Variants in FAM47E observed in about 807,000 individuals in gnomAD.
FAM47E encodes the protein protein FAM47E.
In FAM47E, 32 loss-of-function variants were observed where a neutral mutation model predicts 41.6. The ratio of observed to expected loss-of-function variants is 0.77; its 90% CI spans 0.58 to 1.03. FAM47E has a LOEUF of 1.03. Among genes scored for constraint, FAM47E ranks in the 50% least tolerant of loss-of-function variants. The pLI is 0.00. For missense variants in FAM47E, 424 were observed against 485.4 expected, an observed-to-expected ratio of 0.87 and a Z score of 1.19; for synonymous variants, 184 against 188.7, an observed-to-expected ratio of 0.98 and a Z score of 0.20.
In FAM47E at chr4:76,223,235, T is replaced by C. The variant is rs143747142; in HGVS notation, c.81+5547T>C. The stretch of plus-strand genomic sequence containing the variant: ...CCTCAGCTCATTTCTGCAAGTGGCT[T>C]AACCAAGTGTTCCCTCCAAACACAT... On this transcript the variant is annotated intron_variant, in intron 2 of 7. Transcript: ENST00000510197. 4.3e-4 allele frequency among the ~76,000 whole-genome samples: 66 copies of C among 152,302 alleles called. No homozygotes were observed. The East Asian group carries it at 0.013, about 29-fold the overall frequency.
At chr4:76,251,917 G>A in intron 1 of FAM47E, 97 bp downstream of exon 1, 2 of 1,334,792 alleles carry the variant, frequency 1.5e-6, no homozygotes, top group Non-Finnish European at 1.9e-6. Context: ...GAGGGGAGAG[G>A]TCCAGCCTGC....
At chr4:76,227,849 C>T (rs1172304796) in intron 2 of FAM47E, among the ~76,000 whole-genome samples, 1 of 152,112 alleles carries the variant, frequency 6.6e-6, no homozygotes, top group Non-Finnish European at 1.5e-5. Context: ...AATAGCTATT[C>T]CTGCTTGCTT....
chr4:76,267,850 C>G (rs1734706110), intron 3 of FAM47E: 1 of 152,212 alleles, frequency 6.6e-6, no homozygotes, highest in African/African-American at 2.4e-5. Flanking sequence ...TCTACGGAGA[C>G]AGAAAAGTAG....
upstream of FAM47E, among the ~76,000 whole-genome samples, chr4:76,247,910 C>CTCT (rs1310282160): frequency 8.1e-5 from 7 of 86,846 alleles, no homozygotes; most frequent in East Asian, 1.9e-3. Flanking sequence ...CACTCTCTCT[C>CTCT]TTTTTTTTTT....
At chr4:76,251,508 G>C (rs759526832), upstream of FAM47E, among the ~76,000 whole-genome samples, 17 of 152,126 alleles carry the variant, frequency 1.1e-4, no homozygotes, top group Non-Finnish European at 2.1e-4. Context: ...AGATGAACAC[G>C]CCTTCCCAGC....
intron 2 of FAM47E, among the ~76,000 whole-genome samples, chr4:76,227,978 T>C (rs1371625348): frequency 6.6e-6 from 1 of 152,238 alleles, no homozygotes; most frequent in Non-Finnish European, 1.5e-5. Context: ...GATTTTTATC[T>C]ATTCTGCCAT....
chr4:76,247,079 C>T (rs951618194), upstream of FAM47E, among the ~76,000 whole-genome samples: 1 of 152,002 alleles, frequency 6.6e-6, no homozygotes, highest in South Asian at 2.1e-4. Context: ...CCAAAAAAAC[C>T]TCTGTATCCA....
intron 2 of FAM47E, among the ~76,000 whole-genome samples, chr4:76,231,291 G>C (rs959535515): frequency 1.2e-4 from 18 of 152,124 alleles, no homozygotes; most frequent in African/African-American, 4.3e-4. Flanking sequence ...CACCTGGCAG[G>C]GTTTTCAGGA....
intron 5 of FAM47E, 67 bp from the exon 6 acceptor site, chr4:76,278,002 T>C: frequency 2.1e-6 from 3 of 1,412,806 alleles, no homozygotes; most frequent in Non-Finnish European, 2.8e-6. Context: ...TAAGCTAAGC[T>C]TTAGATTTTT....
rs542480339 is a variant in FAM47E, at chr4:76,271,880, C to T, written c.870+112C>T. On this transcript the variant is annotated intron_variant, in intron 5 of 7. Coordinates refer to ENST00000424749, the MANE Select transcript of FAM47E (RefSeq NM_001136570.3). Reference sequence around the variant, plus strand: ...GGTACTGGTTTTTTAAAGTAGAATTCTGGAATTTTTTTCATGATTAATATT... The same window carrying T: ...GGTACTGGTTTTTTAAAGTAGAATTTTGGAATTTTTTTCATGATTAATATT... 34 of 1,265,296 alleles carry T rather than the reference C, an allele frequency of 2.7e-5. No individual in the cohort carries two copies. The South Asian group carries it at 4.6e-4, about 17-fold the overall frequency. 78.4% of individuals were successfully genotyped at this position (1,265,296 alleles called of 1,614,324 possible).
upstream of FAM47E, among the ~76,000 whole-genome samples, chr4:76,248,805 T>C (rs1733888871): frequency 6.6e-6 from 1 of 151,728 alleles, no homozygotes; most frequent in Non-Finnish European, 1.5e-5. Flanking sequence ...AGTCTCTCTC[T>C]CTCTCTCTCT....
chr4:76,224,768 A>T (rs1464301887), intron 2 of FAM47E, among the ~76,000 whole-genome samples: 2 of 151,996 alleles, frequency 1.3e-5, no homozygotes, highest in African/African-American at 4.8e-5. Flanking sequence ...TTTTAATTTC[A>T]GAAGTTTTTG....
intron 4 of FAM47E, among the ~76,000 whole-genome samples, chr4:76,270,189 CT>C (rs1438648361): frequency 7.2e-6 from 1 of 138,602 alleles, no homozygotes; most frequent in Non-Finnish European, 1.6e-5. Context: ...GGACTTCATT[CT>C]CAATCAATAT....
intron 2 of FAM47E, among the ~76,000 whole-genome samples, chr4:76,220,664 AGAC>A (rs1348127760): frequency 6.6e-6 from 1 of 152,212 alleles, no homozygotes; most frequent in African/African-American, 2.4e-5. Flanking sequence ...ACTACAGTGC[AGAC>A]TTCTTTTCTT....
At chr4:76,228,639 C>T (rs943740613) in intron 2 of FAM47E, among the ~76,000 whole-genome samples, 3 of 152,116 alleles carry the variant, frequency 2.0e-5, no homozygotes, top group Non-Finnish European at 4.4e-5. Flanking sequence ...CTATTCTTGG[C>T]TGCCAATTAT....
rs1436637193 is a variant in FAM47E, at chr4:76,280,628, T to C, written c.1104+287T>C. The C allele has an allele frequency of 1.0e-5, 3 of 290,038 alleles. No individual in the cohort carries two copies. In the Admixed American group the frequency reaches 1.4e-4, roughly 14 times the overall value. 18.0% of individuals were successfully genotyped at this position (290,038 alleles called of 1,614,324 possible). A position where few individuals can be genotyped will look rare whatever the true frequency, so the allele number is the denominator to read the frequency against. On this transcript the variant is annotated intron_variant, in intron 7 of 7. Transcript: ENST00000424749. Reference sequence around the variant, plus strand: ...TTGGATTTGGCCTCAATAGGAGGTCTATGTACAGGGCATGGGCCTTGCAAA... The same window carrying C: ...TTGGATTTGGCCTCAATAGGAGGTCCATGTACAGGGCATGGGCCTTGCAAA...
chr4:76,272,819 A>T (rs1464330997), intron 5 of FAM47E, among the ~76,000 whole-genome samples: 1 of 152,218 alleles, frequency 6.6e-6, no homozygotes, highest in Non-Finnish European at 1.5e-5. Flanking sequence ...CATGGAAGTT[A>T]TTGCCAAAAT....
chr4:76,217,504 ACC>A (rs1733228712), intron 1 of FAM47E: 2 of 413,932 alleles, frequency 4.8e-6, no homozygotes, highest in South Asian at 8.6e-5. Flanking sequence ...AAGAGCTGGC[ACC>A]TCCTCCTTCT....
intron 2 of FAM47E, among the ~76,000 whole-genome samples, chr4:76,236,106 G>T (rs1172047859): frequency 3.3e-5 from 5 of 152,074 alleles, no homozygotes; most frequent in Admixed American, 2.0e-4. Context: ...AGAGATTAAA[G>T]AACATTTTTT....
Sources: allele counts gnomAD v4.1 joint callset (sites outside exome capture counted in the v4.1 genomes callset), GRCh38; gene constraint gnomAD v4.1.1; transcripts MANE v1.5; gene names NCBI Gene and HGNC (gene_info 2026-07-23, HGNC 2026-07-21).